The following FAM171A1 variants were observed in gnomAD, a reference collection of about 807,000 sequenced individuals.
FAM171A1 encodes the protein protein FAM171A1.
FAM171A1 carries 23 observed loss-of-function variants against 74.9 expected under a neutral mutation model. The ratio of observed to expected loss-of-function variants is 0.31; its 90% confidence interval spans 0.22 to 0.44. The LOEUF is 0.44. FAM171A1 is among the 20% of genes least tolerant of loss of function. The pLI is 1.00. For synonymous variants in FAM171A1, 527 were observed against 505.7 expected (o/e 1.04, Z -0.57); for missense variants, 1,162 against 1,159.2 (o/e 1.00, Z -0.03).
intron 4 of FAM171A1, among the ~76,000 whole-genome samples, chr10:15,250,566 T>G (rs1470350448): frequency 1.3e-5 from 2 of 152,166 alleles, no homozygotes; most frequent in African/African-American, 4.8e-5. Flanking sequence ...AAGAACAGCT[T>G]GGGCAACATA....
chr10:15,331,989 A>G (rs1403323595), intron 1 of FAM171A1, among the ~76,000 whole-genome samples: 2 of 150,634 alleles, frequency 1.3e-5, no homozygotes, highest in Admixed American at 1.3e-4. Flanking sequence ...TTGCTCTGTT[A>G]CCCAGGCTGG....
chr10:15,250,340 G>T (rs144496042), intron 4 of FAM171A1, among the ~76,000 whole-genome samples: 2 of 152,276 alleles, frequency 1.3e-5, no homozygotes, highest in Non-Finnish European at 1.5e-5. Flanking sequence ...CATGTTTCTG[G>T]TCCAAAGATT....
Position 15,213,171 on chromosome 10 carries a change from C to T in FAM171A1, c.2417G>A (p.Cys806Tyr), listed in dbSNP as rs751731015. The change falls in exon 8 of 8, where the codon TGT becomes TAT. Residue 806 changes from cysteine (C) to tyrosine (Y), a missense_variant. Coordinates refer to ENST00000378116, the MANE Select transcript of FAM171A1 (RefSeq NM_001010924.2). This position sits in a 1 kb window ranked among gnomAD's most constrained non-coding sequence, Gnocchi z 6.8. ...QSGSECGTTVCTPEDSALRCL... is the reference protein window; with the variant it reads ...QSGSECGTTVYTPEDSALRCL... Reference sequence around the variant, plus strand: ...TCGCAGGGCACTGTCCTCGGGGGTACAGACCGTGGTCCCACATTCGCTACC... The same window carrying T: ...TCGCAGGGCACTGTCCTCGGGGGTATAGACCGTGGTCCCACATTCGCTACC... The T allele has an allele frequency of 3.7e-6, 6 of 1,614,142 alleles. No homozygotes were observed. The highest frequency in any genetic ancestry group is 5.1e-6 in the Non-Finnish European group (6 of 1,180,038).
At chr10:15,330,946 G>A (rs954602852) in intron 1 of FAM171A1, among the ~76,000 whole-genome samples, 3 of 151,878 alleles carry the variant, frequency 2.0e-5, no homozygotes, top group African/African-American at 4.8e-5. Context: ...CTGGAGTGTA[G>A]TGGCATGATC....
At position 15,213,460 on chromosome 10, in the gene FAM171A1, C is replaced by T. The variant is rs766395846; in HGVS notation, c.2128G>A (p.Val710Ile). 12 of 1,614,036 alleles carry T rather than the reference C, an allele frequency of 7.4e-6. No homozygotes were observed. Among genetic ancestry groups the T allele is most frequent in the East Asian group, 6.7e-5 (3 of 44,890 alleles). The change falls in exon 8 of 8, where the codon GTC (valine) becomes ATC (isoleucine). Residue 710 changes from valine (V) to isoleucine (I), a missense_variant. Val to Ile is a conservative substitution (Grantham distance 29, BLOSUM62 3). Coordinates refer to ENST00000378116, the MANE Select transcript of FAM171A1 (RefSeq NM_001010924.2). The surrounding 1 kb of genome is among the most constrained non-coding windows in gnomAD (Gnocchi z 6.8). Reference sequence around the variant, plus strand: ...GCGTTGGACCTGCCATCCAAGGAGACGAACCACGCCCGGGGGTGCGGAAGC... The same window carrying T: ...GCGTTGGACCTGCCATCCAAGGAGATGAACCACGCCCGGGGGTGCGGAAGC... ...KPLPHPRAWF[V>I]SLDGRSNAHV...
At chr10:15,365,633 G>A (rs2131893624) in intron 1 of FAM171A1, among the ~76,000 whole-genome samples, 1 of 152,134 alleles carries the variant, frequency 6.6e-6, no homozygotes. Context: ...AGCCAGGTGT[G>A]GTAGCATGCA....
intron 2 of FAM171A1, among the ~76,000 whole-genome samples, chr10:15,282,201 C>G (rs1234255267): frequency 6.6e-6 from 1 of 152,060 alleles, no homozygotes; most frequent in African/African-American, 2.4e-5. Context: ...GCCTCAGCCT[C>G]CAGAGTCGCT....
intron 5 of FAM171A1, among the ~76,000 whole-genome samples, chr10:15,224,709 T>C (rs1027039670): frequency 6.6e-6 from 1 of 152,192 alleles, no homozygotes; most frequent in African/African-American, 2.4e-5. Context: ...AAGATGTGCC[T>C]TTTGCCTTCT....
intron 5 of FAM171A1, among the ~76,000 whole-genome samples, chr10:15,229,960 G>C (rs111364729): frequency 0.088 from 9,304 of 105,150 alleles, 832 homozygotes; most frequent in Middle Eastern, 0.14. Context: ...ACCATCAGGC[G>C]TTTCCAGATC....
intron 5 of FAM171A1, among the ~76,000 whole-genome samples, chr10:15,234,347 T>C (rs1217935816): frequency 1.3e-5 from 2 of 152,208 alleles, no homozygotes; most frequent in South Asian, 2.1e-4. Flanking sequence ...TGATGACATA[T>C]TGTTACCCGT....
chr10:15,252,067 C>T (rs1834515834), intron 4 of FAM171A1, among the ~76,000 whole-genome samples: 1 of 152,180 alleles, frequency 6.6e-6, no homozygotes, highest in Admixed American at 6.5e-5. Context: ...AAAGTCTGCA[C>T]CTGTCATTTT....
intron 3 of FAM171A1, among the ~76,000 whole-genome samples, chr10:15,271,641 G>A (rs1260938941): frequency 1.3e-5 from 2 of 152,184 alleles, no homozygotes; most frequent in African/African-American, 4.8e-5. Context: ...ACAAAGGTCG[G>A]ATTACCCACA....
At chr10:15,370,586 C>T (rs1450474072) in intron 1 of FAM171A1, among the ~76,000 whole-genome samples, 2 of 151,978 alleles carry the variant, frequency 1.3e-5, no homozygotes, top group African/African-American at 4.8e-5. Flanking sequence ...CCCTGGGCGG[C>T]CCCTCTGTCC....
At position 15,355,870 on chromosome 10, in the gene FAM171A1, G is replaced by GAC. The variant is rs371675944; in HGVS notation, c.97+15084_97+15085dup. Among the ~76,000 whole-genome samples the GAC allele has an allele frequency of 7.9e-5, 12 of 151,104 alleles. 1 individual carries two copies. Among genetic ancestry groups the GAC allele is most frequent in the South Asian group, 4.2e-4 (2 of 4,774 alleles). ...CTCTCTCCCATTCCTTCTTTACCCA[G>GAC]ACACACACACACACATGCATGTATA... On this transcript the variant is annotated intron_variant, in intron 1 of 7. Transcript: ENST00000378116.
chr10:15,277,764 CT>C (rs752758608), intron 2 of FAM171A1, among the ~76,000 whole-genome samples: 4 of 150,912 alleles, frequency 2.7e-5, no homozygotes, highest in African/African-American at 9.7e-5. Context: ...AGTGCTGGCT[CT>C]TTTTTTTTGA....
intron 1 of FAM171A1, among the ~76,000 whole-genome samples, chr10:15,344,066 T>G (rs1198172498): frequency 6.6e-6 from 1 of 152,212 alleles, no homozygotes; most frequent in Non-Finnish European, 1.5e-5. Context: ...TCTCTGCAAC[T>G]GTATGACTTT....
At chr10:15,314,896 G>A (rs569912439) in intron 1 of FAM171A1, among the ~76,000 whole-genome samples, 1 of 152,346 alleles carries the variant, frequency 6.6e-6, no homozygotes, top group Admixed American at 6.5e-5. Context: ...GAGGAGGCTG[G>A]TTGGCGCTGT....
intron 5 of FAM171A1, among the ~76,000 whole-genome samples, chr10:15,222,771 C>T (rs1403870798): frequency 1.3e-5 from 2 of 152,248 alleles, no homozygotes; most frequent in Non-Finnish European, 1.5e-5. Context: ...GCAGCCGCTC[C>T]TCTGCTCACA....
intron 3 of FAM171A1, among the ~76,000 whole-genome samples, chr10:15,273,060 A>T (rs966492727): frequency 5.3e-5 from 8 of 152,128 alleles, no homozygotes; most frequent in Admixed American, 4.6e-4. Context: ...ACTGAAGGAG[A>T]TAGAGACACA....
Sources: gnomAD v4.1 joint callset for allele counts (sites outside exome capture counted in the v4.1 genomes callset) on GRCh38, gnomAD v4.1.1 for gene constraint, Gnocchi (gnomAD v3.1) non-coding constraint, MANE v1.5 for transcripts, NCBI Gene and HGNC (gene_info 2026-07-23, HGNC 2026-07-21) for gene names.